LIG1: variants seen among roughly 807,000 people sequenced by gnomAD.
LIG1 encodes DNA ligase 1, also known as ligase I, DNA, ATP-dependent.
Under a neutral mutation model 115.7 loss-of-function variants are expected in LIG1, and 70 were observed. The observed-to-expected ratio is 0.60, with a 90% CI of 0.50 to 0.74. The LOEUF (loss-of-function observed/expected upper bound fraction) is 0.74, where lower values mean the gene tolerates loss of function less well. Among genes scored for constraint, LIG1 ranks in the 30% least tolerant of loss-of-function variants. LIG1 has a pLI of 0.00. For synonymous variants in LIG1, 487 were observed against 495.3 expected, an observed-to-expected ratio of 0.98 and a Z score of 0.22; for missense variants, 1,115 against 1,225.6, an observed-to-expected ratio of 0.91 and a Z score of 1.35.
chr19:48,120,826 G>T, intron 24 of LIG1: 2 of 623,984 alleles, frequency 3.2e-6, no homozygotes, highest in Non-Finnish European at 4.3e-6. Flanking sequence ...AAAAAAAAAT[G>T]TGGGGAGAGG....
Position 48,137,569 on chromosome 19 carries a change from CG to C in LIG1, c.1206del (p.Val404SerfsTer21). ...LMLPPPPLTA[S>X]GVFSKFRDIA... ...ATGTCGCGGAACTTGCTGAAGACCC[CG>C]GAGGCAGTGAGCGGAGGTGGTGGCA... On this transcript the variant is annotated frameshift_variant, in exon 13 of 28. Transcript: ENST00000263274. LOFTEE classifies it high-confidence loss of function. This position sits in a 1 kb window ranked among gnomAD's most constrained non-coding sequence, Gnocchi z 4.3. 4 of 1,613,474 alleles carry C rather than the reference CG, an allele frequency of 2.5e-6. No homozygotes were observed. Among genetic ancestry groups the C allele is most frequent in the Non-Finnish European group, 3.4e-6 (4 of 1,180,008 alleles).
At chr19:48,133,613 C>G in intron 17 of LIG1, 1 of 332,154 alleles carries the variant, frequency 3.0e-6, no homozygotes, top group South Asian at 2.7e-5. Context: ...TTTTTATTTA[C>G]TTATTTATTG....
Position 48,120,675 on chromosome 19 carries a change from G to A in LIG1, c.2385+495C>T, listed in dbSNP as rs570012791. ...AGAACTTGAGCAGAAGGTGTTCACT[G>A]GCTGAGGCTGACTCAGGGTCCAACC... On this transcript the variant is annotated intron_variant, in intron 24 of 27. Transcript: ENST00000263274. 1.5e-5 allele frequency: 8 copies of A among 550,184 alleles called. No homozygotes were observed. In the South Asian group the frequency reaches 3.9e-4, roughly 27 times the overall value. The allele number at this position is 550,184 out of a possible 1,614,324, so 34.1% of individuals were successfully genotyped here.
intron 21 of LIG1, 26 bp downstream of exon 21, chr19:48,127,250 GC>G: frequency 6.3e-7 from 1 of 1,598,242 alleles, no homozygotes; most frequent in Non-Finnish European, 8.6e-7. Flanking sequence ...CCCCTCAGCT[GC>G]CCCTGGACAG....
At chr19:48,127,754 G>C in intron 20 of LIG1, 156 bp downstream of exon 20, 1 of 770,620 alleles carries the variant, frequency 1.3e-6, no homozygotes, top group Non-Finnish European at 2.4e-6. Context: ...AGAATGCGAT[G>C]GCTGGAGCTG....
intron 9 of LIG1, among the ~76,000 whole-genome samples, chr19:48,149,361 G>C (rs1412948698): frequency 6.6e-6 from 1 of 152,174 alleles, no homozygotes; most frequent in Non-Finnish European, 1.5e-5. Flanking sequence ...AGGCCAGAGA[G>C]GGAGGTGGCA....
chr19:48,120,946 C>A, intron 24 of LIG1: 1 of 1,392,396 alleles, frequency 7.2e-7, no homozygotes, highest in Non-Finnish European at 9.3e-7. Flanking sequence ...TAATCTCAAT[C>A]TCTCACTGAC....
At chr19:48,131,271 G>C (rs1249671247) in intron 18 of LIG1, 100 bp from the exon 19 acceptor site, 1 of 839,988 alleles carries the variant, frequency 1.2e-6, no homozygotes, top group Non-Finnish European at 2.0e-6. Context: ...GGTTCTGGAA[G>C]CTCTGGAGGA....
intron 9 of LIG1, 72 bp downstream of exon 9, chr19:48,149,691 G>C (rs1037595006): frequency 4.2e-6 from 5 of 1,184,352 alleles, no homozygotes; most frequent in Non-Finnish European, 6.3e-6. Context: ...CCTGAGCTGG[G>C]GGTGGGGCTG....
chr19:48,136,971 A>C, intron 14 of LIG1, 37 bp downstream of exon 14: 1 of 1,537,770 alleles, frequency 6.5e-7, no homozygotes, highest in Non-Finnish European at 8.9e-7. Context: ...CCGAGCCTGC[A>C]GTCCCCCTCT....
At chr19:48,132,948 T>A (rs1302357530) in intron 18 of LIG1, 34 bp downstream of exon 18, 9 of 1,482,104 alleles carry the variant, frequency 6.1e-6, no homozygotes, top group Non-Finnish European at 8.5e-6. Flanking sequence ...GACGTTTTCC[T>A]GTCTGTGGAA....
At chr19:48,133,557 G>A (rs2034179513) in intron 17 of LIG1, 1 of 314,760 alleles carries the variant, frequency 3.2e-6, no homozygotes, top group African/African-American at 2.1e-5. Flanking sequence ...ACTTCTGTGT[G>A]ACAGAAAGAA....
intron 2 of LIG1, 87 bp downstream of exon 2, chr19:48,165,463 G>A (rs1201206746): frequency 9.0e-7 from 1 of 1,107,300 alleles, no homozygotes; most frequent in Non-Finnish European, 1.4e-6. Context: ...GTTTTTGTTT[G>A]TTTGTTTGTT....
chr19:48,167,455 C>A (rs182250886), intron 1 of LIG1, among the ~76,000 whole-genome samples: 141 of 152,168 alleles, frequency 9.3e-4, no homozygotes, highest in African/African-American at 3.3e-3. Flanking sequence ...CCGCACCACA[C>A]GCCTCTAAGT....
chr19:48,158,036 A>G (rs79224681), intron 4 of LIG1, among the ~76,000 whole-genome samples: 1,522 of 151,920 alleles, frequency 0.01, 10 homozygotes, highest in Non-Finnish European at 0.016. Flanking sequence ...TGGTTGTTTA[A>G]AATTCCTCTC....
intron 8 of LIG1, 75 bp from the exon 9 acceptor site, chr19:48,149,916 G>T: frequency 6.5e-7 from 1 of 1,548,572 alleles, no homozygotes; most frequent in Non-Finnish European, 8.8e-7. Flanking sequence ...TCTGCACCCA[G>T]CACCACCCCA....
At chr19:48,149,979 C>G in intron 8 of LIG1, 109 bp downstream of exon 8, 5 of 1,585,002 alleles carry the variant, frequency 3.2e-6, no homozygotes, top group Non-Finnish European at 4.3e-6. Context: ...ACTTTCCAAC[C>G]AGCAGGAAAG....
Position 48,136,115 on chromosome 19 carries a change from C to T in LIG1, c.1342G>A (p.Gly448Arg), listed in dbSNP as rs139908769. Residue 448 changes from glycine (G) to arginine (R), a missense_variant, in exon 15 of 28, where the codon GGA (glycine) becomes AGA (arginine). By Grantham distance (125) the Gly-to-Arg change is moderately radical. Transcript: ENST00000263274. Reference protein sequence around the residue: ...EARFIARSLSGRLRLGLAEQS... With the variant: ...EARFIARSLSRRLRLGLAEQS... ...TCTGCCAGCCCAAGGCGCAGCCGTC[C>T]GCTCAGGGACCTGGGGAGAGAGCAG... 1.7e-4 allele frequency: 267 copies of T among 1,567,314 alleles called. No individual in the cohort carries two copies. The East Asian group carries it at 3.7e-3, about 22-fold the overall frequency.
chr19:48,151,460 G>C, intron 6 of LIG1, 121 bp from the exon 7 acceptor site: 1 of 705,526 alleles, frequency 1.4e-6, no homozygotes, highest in Non-Finnish European at 2.6e-6. Context: ...ACAGAGTTTC[G>C]TTCTTACCGC....
Sources: allele counts gnomAD v4.1 joint callset (sites outside exome capture counted in the v4.1 genomes callset), GRCh38; gene constraint gnomAD v4.1.1; non-coding constraint Gnocchi (gnomAD v3.1); transcripts MANE v1.5; gene names NCBI Gene and HGNC (gene_info 2026-07-23, HGNC 2026-07-21).